The following DOCK7 variants were observed in gnomAD, a reference collection of about 807,000 sequenced individuals.
DOCK7 encodes dedicator of cytokinesis 7.
DOCK7 carries 138 observed loss-of-function variants against 271.0 expected under a neutral mutation model. The ratio of observed to expected loss-of-function variants is 0.51; its 90% confidence interval spans 0.44 to 0.59. DOCK7 has a LOEUF of 0.59. DOCK7 is among the 20% of genes least tolerant of loss of function. DOCK7 has a pLI of 0.00. For missense variants in DOCK7, 2,066 were observed against 2,592.4 expected (o/e 0.80, Z 4.41); for synonymous variants, 823 against 876.1 (o/e 0.94, Z 1.07).
rs760664591 is a variant in DOCK7, at chr1:62,535,618, A to C, written c.3486T>G (p.Ser1162=). The stretch of plus-strand genomic sequence containing the variant: ...CAATCTTTTGGTCTTGTACATTCGT[A>C]GAAAATCCAGAACTCTGTTGGAAAG... ...SSATSQSSGF[S]TNVQDQKIAN... Residue 1162 remains serine (S), a synonymous_variant, in exon 29 of 50, where the codon TCT becomes TCG. Transcript: ENST00000635253. The C allele has an allele frequency of 9.3e-6, 15 of 1,613,508 alleles. No homozygotes were observed. The highest frequency in any genetic ancestry group is 1.3e-5 in the Non-Finnish European group (15 of 1,179,718).
intron 2 of DOCK7, among the ~76,000 whole-genome samples, chr1:62,661,250 A>G (rs1228668598): frequency 6.6e-6 from 1 of 152,176 alleles, no homozygotes; most frequent in African/African-American, 2.4e-5. Context: ...AGGAAAGAGA[A>G]TATATTATCA....
At chr1:62,645,031 T>TA (rs1368677485) in intron 7 of DOCK7, among the ~76,000 whole-genome samples, 7 of 151,866 alleles carry the variant, frequency 4.6e-5, no homozygotes, top group East Asian at 3.9e-4. Flanking sequence ...ATGGTTATGA[T>TA]AAAAAAAACA....
At chr1:62,601,032 A>G (rs751543753) in intron 14 of DOCK7, 2 of 1,063,334 alleles carry the variant, frequency 1.9e-6, no homozygotes, top group Non-Finnish European at 2.9e-6. Flanking sequence ...ATTTCCCCTA[A>G]TTGTATATTC....
intron 48 of DOCK7, among the ~76,000 whole-genome samples, chr1:62,459,720 T>C (rs1645456747): frequency 6.6e-6 from 1 of 152,012 alleles, no homozygotes; most frequent in Non-Finnish European, 1.5e-5. Flanking sequence ...CTGTCACAAA[T>C]CTATCTACAA....
chr1:62,564,265 T>C (rs1646436146), intron 18 of DOCK7, among the ~76,000 whole-genome samples: 1 of 152,190 alleles, frequency 6.6e-6, no homozygotes, highest in Non-Finnish European at 1.5e-5. Flanking sequence ...AGAATATACA[T>C]TCTTCTCAGC....
intron 22 of DOCK7, among the ~76,000 whole-genome samples, chr1:62,550,191 G>A (rs973508031): frequency 2.0e-5 from 3 of 152,092 alleles, no homozygotes; most frequent in Admixed American, 6.5e-5. Flanking sequence ...CTGATGATGT[G>A]GAAGAGATAT....
At chr1:62,644,219 C>A (rs1349784877) in intron 7 of DOCK7, among the ~76,000 whole-genome samples, 1 of 152,122 alleles carries the variant, frequency 6.6e-6, no homozygotes, top group Admixed American at 6.6e-5. Flanking sequence ...AATCTAGAAC[C>A]ACTTTAAACT....
intron 1 of DOCK7, among the ~76,000 whole-genome samples, chr1:62,667,267 CA>C (rs899295483): frequency 3.3e-5 from 5 of 151,294 alleles, no homozygotes; most frequent in East Asian, 1.9e-4. Context: ...TATAAAGTCA[CA>C]AAAAAAATAG....
chr1:62,614,702 T>C (rs551245978), intron 14 of DOCK7, among the ~76,000 whole-genome samples: 8 of 152,096 alleles, frequency 5.3e-5, no homozygotes, highest in Non-Finnish European at 7.4e-5. Context: ...TTAATCCCCA[T>C]AGATTTCTAA....
chr1:62,655,569 C>G lies in DOCK7; in HGVS notation c.145-1410G>C, dbSNP rs139348653. 9.9e-3 allele frequency among the ~76,000 whole-genome samples: 1,502 copies of G among 151,902 alleles called. 25 individuals are homozygous for G. Among genetic ancestry groups the G allele is most frequent in the African/African-American group, 0.035 (1,440 of 41,408 alleles). ...CCTCCCAAGTAGCTGGGATTACAGG[C>G]GTGAGCTACCATGCCTCACTAATTT... is the stretch of plus-strand genomic sequence containing the variant. On this transcript the variant is annotated intron_variant, in intron 2 of 49. Transcript: ENST00000635253.
chr1:62,658,509 G>A (rs1346411302), intron 2 of DOCK7, among the ~76,000 whole-genome samples: 1 of 151,908 alleles, frequency 6.6e-6, no homozygotes, highest in Non-Finnish European at 1.5e-5. Flanking sequence ...AGGAGAAAAC[G>A]ACACATTACC....
chr1:62,555,880 T>A lies in DOCK7; in HGVS notation c.2541A>T (p.Ser847=). ...DQHGRNSLLA[S]YIHYVFRLPN... ...GTAGGCGGAAAACATAATGAATATA[T>A]GATGCAAGAAGGCTGTTTCTGCCAT... The change falls in exon 21 of 50, where the codon TCA becomes TCT. Residue 847 remains serine (S), a synonymous_variant. Transcript: ENST00000635253. 6.2e-7 allele frequency: 1 copy of A among 1,613,944 alleles called. No individual in the cohort carries two copies. The highest frequency in any genetic ancestry group is 8.5e-7 in the Non-Finnish European group (1 of 1,179,930).
At chr1:62,630,483 C>A (rs998678982) in intron 11 of DOCK7, among the ~76,000 whole-genome samples, 1 of 152,086 alleles carries the variant, frequency 6.6e-6, no homozygotes, top group African/African-American at 2.4e-5. Context: ...CTGTCCTGGA[C>A]AGGACGCTAT....
intron 25 of DOCK7, among the ~76,000 whole-genome samples, chr1:62,541,774 C>T (rs929474617): frequency 9.9e-5 from 15 of 152,048 alleles, no homozygotes. Context: ...TTCCCCTAAA[C>T]CCCAAGTTGT....
intron 7 of DOCK7, among the ~76,000 whole-genome samples, chr1:62,643,338 C>T (rs1656266727): frequency 6.6e-6 from 1 of 152,140 alleles, no homozygotes; most frequent in Non-Finnish European, 1.5e-5. Flanking sequence ...GTTTACAGTG[C>T]AGCAAAAACT....
chr1:62,610,138 C>T (rs905414437), intron 14 of DOCK7, among the ~76,000 whole-genome samples: 1 of 152,110 alleles, frequency 6.6e-6, no homozygotes, highest in Admixed American at 6.5e-5. Context: ...CGTGAGCCCC[C>T]GCGCCCAGCC....
In DOCK7 at chr1:62,460,013, T is replaced by C. The variant is rs184014359; in HGVS notation, c.6213-2308A>G. 4.0e-3 allele frequency among the ~76,000 whole-genome samples: 555 copies of C among 139,022 alleles called. 5 individuals carry two copies. Among genetic ancestry groups the C allele is most frequent in the African/African-American group, 0.015 (534 of 36,698 alleles). The allele number at this position is 139,022 out of a possible 152,430, so 91.2% of individuals were successfully genotyped here. A position where few individuals can be genotyped will look rare whatever the true frequency, so the allele number is the denominator to read the frequency against. Reference sequence around the variant, plus strand: ...CTACTGGGAGGCTGAGGCAGGAGAATGGCATGAACCTGGGAGGCGGAGCTT... The same window carrying C: ...CTACTGGGAGGCTGAGGCAGGAGAACGGCATGAACCTGGGAGGCGGAGCTT... On this transcript the variant is annotated intron_variant, in intron 48 of 49. Coordinates refer to ENST00000635253, the MANE Select transcript of DOCK7 (RefSeq NM_001367561.1).
At chr1:62,535,366 G>A (rs972570355) in intron 29 of DOCK7, 127 bp downstream of exon 29, 4 of 729,940 alleles carry the variant, frequency 5.5e-6, no homozygotes, top group Admixed American at 3.3e-5. Context: ...GAAACTTAGT[G>A]AAGAGGGAAG....
At chr1:62,540,613 G>A (rs973002721) in intron 25 of DOCK7, among the ~76,000 whole-genome samples, 2 of 152,170 alleles carry the variant, frequency 1.3e-5, no homozygotes, top group Non-Finnish European at 2.9e-5. Context: ...ATAGCATATA[G>A]TGGGAATACA....
Sources: allele counts gnomAD v4.1 joint callset (sites outside exome capture counted in the v4.1 genomes callset), GRCh38; gene constraint gnomAD v4.1.1; transcripts MANE v1.5; gene names NCBI Gene and HGNC (gene_info 2026-07-23, HGNC 2026-07-21).